Variants in FBXL14 observed in about 807,000 individuals in gnomAD.
FBXL14 encodes F-box and leucine rich repeat protein 14, also known as F-box/LRR-repeat protein 14.
Under a neutral mutation model 24.5 loss-of-function variants are expected in FBXL14, and 11 were observed. The observed-to-expected ratio is 0.45, with a 90% CI of 0.28 to 0.74. The LOEUF is 0.74. Ranked by LOEUF, FBXL14 falls within the 30% of genes least tolerant of loss-of-function variation. The pLI is 0.12. For missense variants in FBXL14, 384 were observed against 545.6 expected (o/e 0.70, Z 2.95); for synonymous variants, 294 against 240.4 (o/e 1.22, Z -2.06).
rs146323835 is a variant in FBXL14, at chr12:1,568,721, C to T, written c.1195-1911G>A. 1.6e-4 allele frequency among the ~76,000 whole-genome samples: 25 copies of T among 152,152 alleles called. No homozygotes were observed. In the East Asian group the frequency reaches 2.3e-3, roughly 14 times the overall value. On this transcript the variant is annotated intron_variant, in intron 1 of 1. Coordinates refer to ENST00000339235, the MANE Select transcript of FBXL14 (RefSeq NM_152441.3). ...ACTAAAAATACAAAAATTAGCCTGG[C>T]GTGGTGGCGGGCGCCTGTAATCCCA...
At chr12:1,594,768 C>G (rs1282947900), upstream of FBXL14, among the ~76,000 whole-genome samples, 1 of 150,386 alleles carries the variant, frequency 6.6e-6, no homozygotes, top group Non-Finnish European at 1.5e-5. Flanking sequence ...CCCGGGCGAG[C>G]AGGCGGGCCG....
At chr12:1,590,847 G>A (rs2094487971) in intron 1 of FBXL14, among the ~76,000 whole-genome samples, 1 of 152,150 alleles carries the variant, frequency 6.6e-6, no homozygotes, top group South Asian at 2.1e-4. Context: ...GACTGAGCCG[G>A]CAAGCACGCA....
At chr12:1,572,056 T>C (rs1005898667) in intron 1 of FBXL14, among the ~76,000 whole-genome samples, 7 of 152,150 alleles carry the variant, frequency 4.6e-5, no homozygotes, top group Non-Finnish European at 1.0e-4. Context: ...TGGGGAGGGA[T>C]GACTGAAACT....
chr12:1,586,771 T>C (rs2154438225), intron 1 of FBXL14, among the ~76,000 whole-genome samples: 1 of 152,286 alleles, frequency 6.6e-6, no homozygotes, highest in South Asian at 2.1e-4. Flanking sequence ...TATGACTGAG[T>C]TCTTCCACAG....
chr12:1,573,162 T>C (rs2094448387), intron 1 of FBXL14, among the ~76,000 whole-genome samples: 2 of 152,108 alleles, frequency 1.3e-5, no homozygotes, highest in African/African-American at 4.8e-5. Flanking sequence ...AGCATTTGAG[T>C]GACACTTCAC....
intron 1 of FBXL14, among the ~76,000 whole-genome samples, chr12:1,582,966 C>T (rs1487109733): frequency 6.6e-6 from 1 of 152,124 alleles, no homozygotes; most frequent in African/African-American, 2.4e-5. Context: ...GTTCTGCTAC[C>T]TTGTCCTAAT....
chr12:1,581,717 C>T (rs1445727487), intron 1 of FBXL14, among the ~76,000 whole-genome samples: 1 of 152,208 alleles, frequency 6.6e-6, no homozygotes, highest in African/African-American at 2.4e-5. Flanking sequence ...TCAGAGGTCT[C>T]AGTCACACCA....
In FBXL14 at chr12:1,593,926, C is replaced by T. The variant is rs776185896; in HGVS notation, c.141G>A (p.Gly47=). The T allele has an allele frequency of 7.6e-6, 12 of 1,577,950 alleles. No individual in the cohort carries two copies. In the South Asian group the frequency reaches 1.1e-4, roughly 15 times the overall value. ...DAAYHKSVWR[G]VEAKLHLRRA... is the part of the protein sequence containing the mutation. ...GGCGCAGGTGCAGCTTGGCCTCCAC[C>T]CCCCGCCACACCGACTTGTGGTAGG... The change falls in exon 1 of 2, where the codon GGG becomes GGA. Residue 47 remains glycine (G), a synonymous_variant. Coordinates refer to ENST00000339235, the MANE Select transcript of FBXL14 (RefSeq NM_152441.3). This position sits in a 1 kb window ranked among gnomAD's most constrained non-coding sequence, Gnocchi z 7.4.
chr12:1,592,767 T>G lies in FBXL14; in HGVS notation c.1194+106A>C, dbSNP rs2094493496. The stretch of plus-strand genomic sequence containing the variant: ...TCTGTCATAGCCCCATCTCATCCGC[T>G]GCAATGATCTGTGCGTAAGTGTGCG... On this transcript the variant is annotated intron_variant, in intron 1 of 1. Transcript: ENST00000339235. 3 of 987,784 alleles carry G rather than the reference T, an allele frequency of 3.0e-6. No homozygotes were observed. In the South Asian group the frequency reaches 5.2e-5, roughly 17 times the overall value. The allele number at this position is 987,784 out of a possible 1,614,324, so 61.2% of individuals were successfully genotyped here. A position where few individuals can be genotyped will look rare whatever the true frequency, so the allele number is the denominator to read the frequency against.
At chr12:1,591,344 GTTGTT>G (rs2094489296) in intron 1 of FBXL14, among the ~76,000 whole-genome samples, 1 of 49,538 alleles carries the variant, frequency 2.0e-5, no homozygotes, top group Admixed American at 2.6e-4. Context: ...ATACAAGGCT[GTTGTT>G]TTTTTTTTTT....
At chr12:1,572,294 G>T (rs183043084) in intron 1 of FBXL14, among the ~76,000 whole-genome samples, 1 of 152,234 alleles carries the variant, frequency 6.6e-6, no homozygotes, top group African/African-American at 2.4e-5. Flanking sequence ...ACGATACGGT[G>T]TGTTTTGACA....
intron 1 of FBXL14, among the ~76,000 whole-genome samples, chr12:1,568,606 G>T (rs1271807137): frequency 6.6e-6 from 1 of 152,146 alleles, no homozygotes; most frequent in Non-Finnish European, 1.5e-5. Flanking sequence ...TAAGGGAAAT[G>T]AGTGACAACA....
Position 1,592,874 on chromosome 12 carries a change from T to A in FBXL14, c.1193A>T (p.Lys398Met). The stretch of plus-strand genomic sequence containing the variant: ...CTGGTGCTGCCGCCCTCACCTGACC[T>A]TCTCACTGTCCGTCATCTGCCAGAG... ...LGLWQMTDSE[K>M]EARGDFSPLF... The change falls in exon 1 of 2, where the codon AAG becomes ATG. Residue 398 changes from lysine to methionine, a missense_variant and splice_region_variant. By Grantham distance (95) the Lys-to-Met change is moderately conservative. Transcript: ENST00000339235. 2 of 1,564,266 alleles carry A rather than the reference T, an allele frequency of 1.3e-6. No individual in the cohort carries two copies. Among genetic ancestry groups the A allele is most frequent in the Non-Finnish European group, 1.7e-6 (2 of 1,150,540 alleles).
At chr12:1,585,289 T>G (rs1329560460) in intron 1 of FBXL14, among the ~76,000 whole-genome samples, 1 of 151,870 alleles carries the variant, frequency 6.6e-6, no homozygotes, top group African/African-American at 2.4e-5. Flanking sequence ...TCCCCGCTAC[T>G]CGGGAGGCTG....
At chr12:1,585,213 A>G (rs902893453) in intron 1 of FBXL14, among the ~76,000 whole-genome samples, 1 of 152,188 alleles carries the variant, frequency 6.6e-6, no homozygotes, top group African/African-American at 2.4e-5. Context: ...CCTGACTAAC[A>G]TGGTGAAACC....
intron 1 of FBXL14, among the ~76,000 whole-genome samples, chr12:1,568,027 AAATT>A (rs1186549829): frequency 6.6e-6 from 1 of 152,274 alleles, no homozygotes; most frequent in African/African-American, 2.4e-5. Context: ...AGATTTCTCC[AAATT>A]AATGTCAGAC....
chr12:1,577,033 G>T (rs574060497), intron 1 of FBXL14, among the ~76,000 whole-genome samples: 1 of 152,260 alleles, frequency 6.6e-6, no homozygotes, highest in East Asian at 1.9e-4. Context: ...TACTGATAAA[G>T]CCAGCCACAG....
Position 1,574,491 on chromosome 12 carries a change from GCAGCAGC to G in FBXL14, c.1195-7688_1195-7682del, listed in dbSNP as rs2094451955. Among the ~76,000 whole-genome samples, 28 of 124,774 alleles carry G rather than the reference GCAGCAGC, an allele frequency of 2.2e-4. 2 individuals carry two copies. The highest frequency in any genetic ancestry group is 3.2e-4 in the Non-Finnish European group (18 of 57,134). The allele number at this position is 124,774 out of a possible 152,430, so 81.9% of individuals were successfully genotyped here. A position where few individuals can be genotyped will look rare whatever the true frequency, so the allele number is the denominator to read the frequency against. ...TGGAGGCTGGGGTGAGGGGAGGCTG[GCAGCAGC>G]GGTGTGGATGGAGGCTGGGGTGGGG... On this transcript the variant is annotated intron_variant, in intron 1 of 1. Coordinates refer to ENST00000339235, the MANE Select transcript of FBXL14 (RefSeq NM_152441.3).
In FBXL14 at chr12:1,578,428, A is replaced by G. The variant is rs530435999; in HGVS notation, c.1195-11618T>C. 2.6e-3 allele frequency among the ~76,000 whole-genome samples: 388 copies of G among 151,894 alleles called. 2 individuals carry two copies. The highest frequency in any genetic ancestry group is 6.4e-3 in the Admixed American group (98 of 15,238). ...GGCCGAGGTGGGTGGATCACCTGAG[A>G]TCAGGAATTTGAGACCAGTGTGGTC... On this transcript the variant is annotated intron_variant, in intron 1 of 1. Coordinates refer to ENST00000339235, the MANE Select transcript of FBXL14 (RefSeq NM_152441.3).
Sources: allele counts gnomAD v4.1 joint callset (sites outside exome capture counted in the v4.1 genomes callset), GRCh38; gene constraint gnomAD v4.1.1; non-coding constraint Gnocchi (gnomAD v3.1); transcripts MANE v1.5; gene names NCBI Gene and HGNC (gene_info 2026-07-23, HGNC 2026-07-21).